Variants in LHFPL3 observed in about 807,000 individuals in gnomAD.
The protein encoded by LHFPL3 is LHFPL tetraspan subfamily member 3.
A neutral mutation model predicts 19.3 loss-of-function variants in LHFPL3; 5 were observed. The ratio of observed to expected loss-of-function variants is 0.26; its 90% confidence interval spans 0.14 to 0.54. LHFPL3 has a LOEUF of 0.54. LHFPL3 is among the 20% of genes least tolerant of loss of function. The pLI, the probability that LHFPL3 is intolerant of heterozygous loss-of-function variation, is 0.94. For missense variants in LHFPL3, 249 were observed against 307.4 expected (o/e 0.81, Z 1.42); for synonymous variants, 133 against 126.2 (o/e 1.05, Z -0.36).
chr7:104,755,688 C>CTTTGTTTG (rs57233807), intron 2 of LHFPL3, among the ~76,000 whole-genome samples: 6 of 151,812 alleles, frequency 4.0e-5, no homozygotes, highest in East Asian at 3.9e-4. Context: ...TTGTTTGTTT[C>CTTTGTTTG]TTTGTTTGTT....
chr7:104,646,714 T>C (rs1471439878), intron 1 of LHFPL3, among the ~76,000 whole-genome samples: 1 of 152,228 alleles, frequency 6.6e-6, no homozygotes, highest in African/African-American at 2.4e-5. Context: ...TTATATAACC[T>C]AAATCATTAG....
chr7:104,441,871 G>C (rs532689212), intron 1 of LHFPL3, among the ~76,000 whole-genome samples: 1 of 152,164 alleles, frequency 6.6e-6, no homozygotes, highest in South Asian at 2.1e-4. Flanking sequence ...ACTGCGCCTG[G>C]CTGAGAACCC....
intron 1 of LHFPL3, among the ~76,000 whole-genome samples, chr7:104,660,410 A>G (rs376378844): frequency 7.2e-5 from 11 of 152,204 alleles, no homozygotes; most frequent in African/African-American, 1.7e-4. Flanking sequence ...TTTCTGATCA[A>G]TCTTGGCTTG....
intron 2 of LHFPL3, among the ~76,000 whole-genome samples, chr7:104,739,461 G>A (rs1378544453): frequency 6.6e-6 from 1 of 152,184 alleles, no homozygotes; most frequent in Non-Finnish European, 1.5e-5. Flanking sequence ...TCTAAAGGAA[G>A]AGAGGTTGGT....
intron 1 of LHFPL3, among the ~76,000 whole-genome samples, chr7:104,429,170 G>C (rs1259111625): frequency 1.3e-5 from 2 of 151,088 alleles, no homozygotes; most frequent in Non-Finnish European, 1.5e-5. Flanking sequence ...TAAACTAAAG[G>C]AAAAAAAATT....
intron 2 of LHFPL3, among the ~76,000 whole-genome samples, chr7:104,877,012 A>C (rs1791958281): frequency 6.6e-6 from 1 of 152,210 alleles, no homozygotes; most frequent in Non-Finnish European, 1.5e-5. Context: ...CATTCTCAGC[A>C]AACTATCACA....
chr7:104,736,859 T>G lies in LHFPL3; in HGVS notation c.630T>G (p.Leu210=). 2 of 1,612,144 alleles carry G rather than the reference T, an allele frequency of 1.2e-6. No homozygotes were observed. ...ALILSFLAFV[L]GNRQDSLMAE... is the part of the protein sequence containing the mutation. Reference sequence around the variant, plus strand: ...TCCTCTCATTTCTAGCATTTGTGCTTGGTAATCGACAAGACAGCTTGATGG... The same window carrying G: ...TCCTCTCATTTCTAGCATTTGTGCTGGGTAATCGACAAGACAGCTTGATGG... The change falls in exon 2 of 3, where the codon CTT becomes CTG. Residue 210 remains leucine, a synonymous_variant. Coordinates refer to ENST00000424859, the MANE Select transcript of LHFPL3 (RefSeq NM_199000.3).
chr7:104,536,447 G>T (rs1457293694), intron 1 of LHFPL3, among the ~76,000 whole-genome samples: 1 of 152,066 alleles, frequency 6.6e-6, no homozygotes. Context: ...TCATCCCCAG[G>T]CCGATTGGAA....
chr7:104,721,304 C>T lies in LHFPL3; in HGVS notation c.446-15371C>T, dbSNP rs1006198252. Among the ~76,000 whole-genome samples the T allele has an allele frequency of 5.9e-5, 9 of 152,216 alleles. No individual in the cohort carries two copies. The East Asian group carries it at 1.7e-3, about 29-fold the overall frequency. On this transcript the variant is annotated intron_variant, in intron 1 of 2. Transcript: ENST00000424859. ...ATCACAAGGACAGAAAACCAAACACCGCATGCTCTCCCTCATAGGTGGGAA... is the reference window on the plus strand; with the variant it reads ...ATCACAAGGACAGAAAACCAAACACTGCATGCTCTCCCTCATAGGTGGGAA...
chr7:104,821,450 A>G (rs907656503), intron 2 of LHFPL3, among the ~76,000 whole-genome samples: 1 of 152,238 alleles, frequency 6.6e-6, no homozygotes, highest in African/African-American at 2.4e-5. Flanking sequence ...AGGCTGAGGT[A>G]GGAAGTATTC....
chr7:104,495,900 T>G (rs909413562), intron 1 of LHFPL3, among the ~76,000 whole-genome samples: 3 of 152,180 alleles, frequency 2.0e-5, no homozygotes, highest in Non-Finnish European at 2.9e-5. Flanking sequence ...TCTCATTTAA[T>G]CCTCATTTAT....
chr7:104,366,937 G>GT lies in LHFPL3; in HGVS notation c.445+37720dup, dbSNP rs1233345810. Among the ~76,000 whole-genome samples, 5 of 152,196 alleles carry GT rather than the reference G, an allele frequency of 3.3e-5. No individual in the cohort carries two copies. The South Asian group carries it at 6.2e-4, about 19-fold the overall frequency. On this transcript the variant is annotated intron_variant, in intron 1 of 2. Coordinates refer to ENST00000424859, the MANE Select transcript of LHFPL3 (RefSeq NM_199000.3). ...AAACAGCCAGCACTGCTAAATGTAG[G>GT]TTTTTTTCTCATTTATTTTGCCAAG... is the stretch of plus-strand genomic sequence containing the variant.
At chr7:104,599,109 A>G (rs1280629540) in intron 1 of LHFPL3, among the ~76,000 whole-genome samples, 1 of 152,224 alleles carries the variant, frequency 6.6e-6, no homozygotes, top group East Asian at 1.9e-4. Flanking sequence ...CTGCCAACTG[A>G]ACTCACTTAT....
intron 1 of LHFPL3, chr7:104,667,942 C>T (rs965974143): frequency 7.7e-5 from 125 of 1,613,198 alleles, no homozygotes; most frequent in Non-Finnish European, 9.7e-5. Flanking sequence ...GTGTACAGGG[C>T]GCCTCCAATT....
intron 1 of LHFPL3, among the ~76,000 whole-genome samples, chr7:104,589,072 C>T (rs1790647773): frequency 6.6e-6 from 1 of 152,160 alleles, no homozygotes; most frequent in African/African-American, 2.4e-5. Context: ...GACAATTTGA[C>T]TTCCTCTTTT....
At chr7:104,755,214 G>A (rs10249174) in intron 2 of LHFPL3, among the ~76,000 whole-genome samples, 21,138 of 152,078 alleles carry the variant, frequency 0.14, 1,793 homozygotes, top group Non-Finnish European at 0.19. Context: ...GCACAGAATA[G>A]TCAAGCCCAG....
intron 2 of LHFPL3, among the ~76,000 whole-genome samples, chr7:104,892,756 C>T (rs1792276690): frequency 6.7e-6 from 1 of 149,090 alleles, no homozygotes; most frequent in African/African-American, 2.5e-5. Flanking sequence ...ATTCAGAGCT[C>T]AACTAACATT....
At chr7:104,396,264 A>T (rs1054409259) in intron 1 of LHFPL3, among the ~76,000 whole-genome samples, 1 of 152,154 alleles carries the variant, frequency 6.6e-6, no homozygotes, top group East Asian at 1.9e-4. Context: ...ATAATGTACA[A>T]ATGGTTGCTA....
chr7:104,585,873 A>C (rs1790565626), intron 1 of LHFPL3, among the ~76,000 whole-genome samples: 1 of 152,060 alleles, frequency 6.6e-6, no homozygotes, highest in South Asian at 2.1e-4. Context: ...TTATCTTTTA[A>C]ATCTAGTTGC....
Sources: allele counts gnomAD v4.1 joint callset (sites outside exome capture counted in the v4.1 genomes callset), GRCh38; gene constraint gnomAD v4.1.1; transcripts MANE v1.5; gene names NCBI Gene and HGNC (gene_info 2026-07-23, HGNC 2026-07-21).